Variants in HSD17B7 observed in about 807,000 individuals in gnomAD.
The protein encoded by HSD17B7 is 3-keto-steroid reductase/17-beta-hydroxysteroid dehydrogenase 7.
In HSD17B7, 17 loss-of-function variants were observed where a neutral mutation model predicts 34.1. That is an observed-to-expected ratio of 0.50 (90% confidence interval 0.34 to 0.75). The LOEUF (loss-of-function observed/expected upper bound fraction) is 0.75, where lower values mean the gene tolerates loss of function less well. HSD17B7 is among the 30% of genes least tolerant of loss of function. The pLI, the probability that HSD17B7 is intolerant of heterozygous loss-of-function variation, is 0.01. For synonymous variants in HSD17B7, 122 were observed against 154.6 expected (o/e 0.79, Z 1.56); for missense variants, 296 against 406.6 (o/e 0.73, Z 2.34).
intron 5 of HSD17B7, among the ~76,000 whole-genome samples, chr1:162,800,833 G>A (rs1274549556): frequency 4.6e-5 from 7 of 152,180 alleles, no homozygotes; most frequent in Admixed American, 4.6e-4. Context: ...ATAAGATGAT[G>A]ATCAAGAATT....
chr1:162,799,892 C>T lies in HSD17B7; in HGVS notation c.597C>T (p.Ala199=). ...GKEPYSSSKY[A]TDLLSVALNR... is the part of the protein sequence containing the mutation. ...AACCCTACAGCTCTTCCAAATATGCCACTGACCTTTTGAGTGTGGCTTTGA... is the reference window on the plus strand; with the variant it reads ...AACCCTACAGCTCTTCCAAATATGCTACTGACCTTTTGAGTGTGGCTTTGA... Residue 199 remains alanine, a synonymous_variant, in exon 5 of 9, where the codon GCC becomes GCT. Coordinates refer to ENST00000254521, the MANE Select transcript of HSD17B7 (RefSeq NM_016371.4). 1.9e-6 allele frequency: 3 copies of T among 1,614,046 alleles called. No homozygotes were observed. The highest frequency in any genetic ancestry group is 2.5e-6 in the Non-Finnish European group (3 of 1,179,974).
chr1:162,794,468 GAA>G (rs538651183), intron 2 of HSD17B7, among the ~76,000 whole-genome samples: 1 of 148,930 alleles, frequency 6.7e-6, no homozygotes, highest in Admixed American at 6.7e-5. Flanking sequence ...GCATCTTAAA[GAA>G]AAAAAAACAA....
intron 6 of HSD17B7, among the ~76,000 whole-genome samples, chr1:162,804,006 T>C (rs554046558): frequency 1.3e-5 from 2 of 152,354 alleles, no homozygotes; most frequent in African/African-American, 2.4e-5. Flanking sequence ...TGATTCTCTC[T>C]TTAGGGCTCA....
chr1:162,801,390 A>T (rs1252889398), intron 5 of HSD17B7, among the ~76,000 whole-genome samples: 2 of 152,156 alleles, frequency 1.3e-5, no homozygotes, highest in African/African-American at 4.8e-5. Flanking sequence ...TCCTCATCTG[A>T]AAAATAGGGA....
At chr1:162,792,519 A>G (rs926638636) in intron 1 of HSD17B7, 140 bp from the exon 2 acceptor site, 2 of 1,077,044 alleles carry the variant, frequency 1.9e-6, no homozygotes, top group Admixed American at 5.6e-5. Context: ...CTCCCTTCTT[A>G]AATAATTGTT....
intron 3 of HSD17B7, 102 bp downstream of exon 3, chr1:162,796,779 G>T: frequency 1.3e-6 from 1 of 747,718 alleles, no homozygotes; most frequent in Non-Finnish European, 2.4e-6. Context: ...GTAAGGGGTT[G>T]TTGAAAAGGT....
intron 8 of HSD17B7, among the ~76,000 whole-genome samples, chr1:162,811,735 A>G (rs569198583): frequency 5.9e-5 from 9 of 152,330 alleles, no homozygotes; most frequent in Admixed American, 2.0e-4. Context: ...TTGTGGCTCG[A>G]GAGTGGTATG....
At chr1:162,798,611 T>C (rs7530544) in intron 4 of HSD17B7, 11,523 of 155,046 alleles carry the variant, frequency 0.074, 1,033 homozygotes, top group African/African-American at 0.22. Context: ...GTGTTGATAT[T>C]AACCTTGATC....
rs369041897 is a variant in HSD17B7 at position 162,804,263 on chromosome 1, G to A, written c.748-4G>A. 1.9e-5 allele frequency: 30 copies of A among 1,605,112 alleles called. No individual in the cohort carries two copies. Among genetic ancestry groups the A allele is most frequent in the African/African-American group, 1.1e-4 (8 of 74,342 alleles). ...AAAAATAACAGTTGTTTTCTTTTCC[G>A]CAGCTTCGCTTTTTTGCAAATGCAT... is the stretch of plus-strand genomic sequence containing the variant. On this transcript the variant is annotated splice_region_variant and splice_polypyrimidine_tract_variant and intron_variant, in intron 6 of 8. Coordinates refer to ENST00000254521, the MANE Select transcript of HSD17B7 (RefSeq NM_016371.4).
At chr1:162,804,502 A>G (rs1210085780) in intron 7 of HSD17B7, among the ~76,000 whole-genome samples, 179 bp downstream of exon 7, 1 of 152,178 alleles carries the variant, frequency 6.6e-6, no homozygotes, top group Non-Finnish European at 1.5e-5. Flanking sequence ...ATTAGGAGTG[A>G]AGTTTGCAAG....
intron 2 of HSD17B7, 186 bp downstream of exon 2, chr1:162,793,048 T>TTA: frequency 4.0e-6 from 2 of 495,920 alleles, no homozygotes; most frequent in Non-Finnish European, 7.1e-6. Context: ...TTTTTTTTTT[T>TTA]AAAGAGATGG....
intron 8 of HSD17B7, among the ~76,000 whole-genome samples, chr1:162,810,478 G>C (rs763290572): frequency 7.2e-5 from 11 of 152,342 alleles, no homozygotes; most frequent in Non-Finnish European, 1.6e-4. Flanking sequence ...GATTGGTGCA[G>C]AGCTGAGTTC....
At chr1:162,790,901 G>A (rs1648379542) in intron 1 of HSD17B7, 66 bp downstream of exon 1, 5 of 1,346,810 alleles carry the variant, frequency 3.7e-6, no homozygotes, top group Middle Eastern at 2.1e-4. Context: ...AGGGGTCTGC[G>A]ACCCTCCACG....
intron 4 of HSD17B7, 70 bp downstream of exon 4, chr1:162,797,986 C>T: frequency 1.3e-6 from 2 of 1,544,296 alleles, no homozygotes; most frequent in Non-Finnish European, 1.8e-6. Context: ...GGGCACAGGG[C>T]ATTATTATAG....
intron 4 of HSD17B7, 181 bp from the exon 5 acceptor site, chr1:162,799,562 C>A (rs1168226704): frequency 1.8e-6 from 1 of 553,222 alleles, no homozygotes; most frequent in African/African-American, 1.9e-5. Flanking sequence ...TACATACTAA[C>A]TCATGTATGT....
intron 8 of HSD17B7, among the ~76,000 whole-genome samples, chr1:162,811,908 C>T (rs543485717): frequency 1.4e-3 from 220 of 152,346 alleles, no homozygotes; most frequent in Non-Finnish European, 2.7e-3. Flanking sequence ...CCAGCTAAAA[C>T]CAGGGCTCTT....
In HSD17B7 at chr1:162,792,878, A is replaced by T; in HGVS notation, c.239+16A>T. The T allele has an allele frequency of 6.2e-7, 1 of 1,613,132 alleles. No homozygotes were observed. Reference sequence around the variant, plus strand: ...TTAAGCAAAGGTATATCTCTTGCTGATGGATTTTTTTTCTCATGTGATTGT... The same window carrying T: ...TTAAGCAAAGGTATATCTCTTGCTGTTGGATTTTTTTTCTCATGTGATTGT... On this transcript the variant is annotated intron_variant, in intron 2 of 8. Transcript: ENST00000254521.
At chr1:162,800,791 G>A (rs1392043693) in intron 5 of HSD17B7, among the ~76,000 whole-genome samples, 1 of 152,204 alleles carries the variant, frequency 6.6e-6, no homozygotes, top group East Asian at 1.9e-4. Flanking sequence ...TTAGGGCACT[G>A]GGCCAGGTTT....
At position 162,798,125 on chromosome 1, in the gene HSD17B7, A is replaced by G. The variant is rs1571000893; in HGVS notation, c.447+209A>G. 28 of 837,990 alleles carry G rather than the reference A, an allele frequency of 3.3e-5. No homozygotes were observed. In the East Asian group the frequency reaches 8.5e-4, roughly 25 times the overall value. The allele number at this position is 837,990 out of a possible 1,614,324, so 51.9% of individuals were successfully genotyped here. On this transcript the variant is annotated intron_variant, in intron 4 of 8. Transcript: ENST00000254521. ...ATTTTTCTTTAATAAATGTACTAAT[A>G]GTTTTTGATTTACAGAATTACTGCA...
Sources: allele counts gnomAD v4.1 joint callset (sites outside exome capture counted in the v4.1 genomes callset), GRCh38; gene constraint gnomAD v4.1.1; transcripts MANE v1.5; gene names NCBI Gene and HGNC (gene_info 2026-07-23, HGNC 2026-07-21).